The following MIA2 variants were observed in gnomAD, a reference collection of about 807,000 sequenced individuals.
MIA2 encodes the protein melanoma inhibitory activity protein 2.
MIA2 carries 127 observed loss-of-function variants against 167.8 expected under a neutral mutation model. The ratio of observed to expected loss-of-function variants is 0.76; its 90% CI spans 0.66 to 0.88. The LOEUF (loss-of-function observed/expected upper bound fraction) is 0.88. Among genes scored for constraint, MIA2 ranks in the 40% least tolerant of loss-of-function variants. The pLI is 0.00. For missense variants in MIA2, 1,690 were observed against 1,624.7 expected (o/e 1.04, Z -0.69); for synonymous variants, 552 against 541.9 (o/e 1.02, Z -0.26).
At chr14:39,235,740 T>A (rs1385387905) in intron 1 of MIA2, among the ~76,000 whole-genome samples, 1 of 152,048 alleles carries the variant, frequency 6.6e-6, no homozygotes, top group African/African-American at 2.4e-5. Flanking sequence ...ATTATGCCAC[T>A]GCACTGTAGC....
At chr14:39,253,967 A>G (rs2054700925) in intron 6 of MIA2, among the ~76,000 whole-genome samples, 1 of 152,226 alleles carries the variant, frequency 6.6e-6, no homozygotes, top group Admixed American at 6.5e-5. Context: ...GCTGAAATTT[A>G]ATAGTGGTTG....
At chr14:39,342,363 A>T (rs1040026880) in intron 25 of MIA2, among the ~76,000 whole-genome samples, 19 of 152,138 alleles carry the variant, frequency 1.2e-4, no homozygotes, top group African/African-American at 4.6e-4. Context: ...ATGGCTGCAT[A>T]GTATTCCATG....
intron 23 of MIA2, chr14:39,385,986 A>G (rs1184709294): frequency 2.3e-6 from 2 of 851,856 alleles, no homozygotes; most frequent in African/African-American, 1.7e-5. Flanking sequence ...CATTTGAGCA[A>G]GAACGCCTCC....
At chr14:39,242,710 C>G (rs2054107125) in intron 3 of MIA2, among the ~76,000 whole-genome samples, 2 of 152,174 alleles carry the variant, frequency 1.3e-5, no homozygotes, top group Non-Finnish European at 2.9e-5. Context: ...AAGTAGCACA[C>G]AGATGCCTCA....
downstream of MIA2, among the ~76,000 whole-genome samples, chr14:39,353,133 C>G (rs2074434239): frequency 6.6e-6 from 1 of 152,068 alleles, no homozygotes; most frequent in Non-Finnish European, 1.5e-5. Flanking sequence ...GTGTAATGAT[C>G]AAGTCAGGGT....
chr14:39,248,817 G>T (rs143453330), intron 4 of MIA2, among the ~76,000 whole-genome samples: 1 of 151,796 alleles, frequency 6.6e-6, no homozygotes, highest in African/African-American at 2.4e-5. Flanking sequence ...TCAGGTCACC[G>T]CAGCCTCGAC....
chr14:39,343,903 T>A (rs950152360), intron 25 of MIA2, among the ~76,000 whole-genome samples: 5 of 152,232 alleles, frequency 3.3e-5, no homozygotes. Flanking sequence ...TCTTTACTTT[T>A]CTTTCAGGGC....
intron 23 of MIA2, among the ~76,000 whole-genome samples, chr14:39,377,610 A>G (rs924687136): frequency 1.3e-5 from 2 of 152,202 alleles, no homozygotes. Context: ...TTTAATTTGA[A>G]CAGGATTTTT....
intron 25 of MIA2, among the ~76,000 whole-genome samples, chr14:39,338,159 T>A (rs2070880050): frequency 6.6e-6 from 1 of 152,098 alleles, no homozygotes; most frequent in African/African-American, 2.4e-5. Flanking sequence ...GGTGGCACAA[T>A]AATTCTGTAT....
chr14:39,253,944 A>G (rs1007796509), intron 6 of MIA2, among the ~76,000 whole-genome samples: 1 of 152,190 alleles, frequency 6.6e-6, no homozygotes, highest in Non-Finnish European at 1.5e-5. Context: ...TTATCTTCTT[A>G]TTTATGTTCT....
chr14:39,283,761 T>C (rs940585144), intron 9 of MIA2, among the ~76,000 whole-genome samples: 9 of 152,332 alleles, frequency 5.9e-5, no homozygotes, highest in African/African-American at 1.9e-4. Context: ...ATTGGTGATA[T>C]TGAACACCAT....
In MIA2 at chr14:39,248,014, A is replaced by G. The variant is rs1368762730; in HGVS notation, c.1440A>G (p.Pro480=). ...ACATTCCAAAGGAAACAGAATTGCC[A>G]TTTCCCAAACAGATACTGGATCAAA... is the stretch of plus-strand genomic sequence containing the variant. ...FQNIPKETEL[P]FPKQILDQNN... is the part of the protein sequence containing the mutation. Residue 480 remains proline, a synonymous_variant, in exon 4 of 29, where the codon CCA becomes CCG. Transcript: ENST00000640607. The G allele has an allele frequency of 1.3e-6, 2 of 1,575,626 alleles. No individual in the cohort carries two copies. Among genetic ancestry groups the G allele is most frequent in the East Asian group, 2.3e-5 (1 of 44,444 alleles).
At chr14:39,368,565 A>T (rs1048454002) in intron 23 of MIA2, among the ~76,000 whole-genome samples, 1 of 151,882 alleles carries the variant, frequency 6.6e-6, no homozygotes, top group African/African-American at 2.4e-5. Flanking sequence ...GTGTTAAGGC[A>T]CTTACTCTGA....
chr14:39,256,568 T>G lies in MIA2; in HGVS notation c.1887+3397T>G, dbSNP rs555008159. On this transcript the variant is annotated intron_variant, in intron 6 of 28. Coordinates refer to ENST00000640607, the MANE Select transcript of MIA2 (RefSeq NM_001329214.4). Reference sequence around the variant, plus strand: ...CATCACATCAAAAGCAATGGAAAATTAAAGGAGGCAGCTTTTTAAAAAAAA... The same window carrying G: ...CATCACATCAAAAGCAATGGAAAATGAAAGGAGGCAGCTTTTTAAAAAAAA... Among the ~76,000 whole-genome samples, 42 of 152,072 alleles carry G rather than the reference T, an allele frequency of 2.8e-4. 2 individuals are homozygous for G. Among genetic ancestry groups the G allele is most frequent in the African/African-American group, 1.0e-3 (42 of 41,506 alleles).
chr14:39,258,816 T>C (rs2054936726), intron 6 of MIA2, among the ~76,000 whole-genome samples: 1 of 152,212 alleles, frequency 6.6e-6, no homozygotes, highest in Non-Finnish European at 1.5e-5. Flanking sequence ...TGTTTGTTAG[T>C]TTTCCTTCTA....
chr14:39,348,906 C>T lies in MIA2; in HGVS notation c.4001C>T (p.Ala1334Val), dbSNP rs549794299. 1 of 1,613,992 alleles carries T rather than the reference C, an allele frequency of 6.2e-7. No homozygotes were observed. Among genetic ancestry groups the T allele is most frequent in the Admixed American group, 1.7e-5 (1 of 59,992 alleles). The change falls in exon 28 of 29, where the codon GCC becomes GTC. Residue 1334 changes from alanine to valine, a missense_variant. Coordinates refer to ENST00000640607, the MANE Select transcript of MIA2 (RefSeq NM_001329214.4). The stretch of plus-strand genomic sequence containing the variant: ...CCTTTCCCCCCACCTCCTCCAGGAG[C>T]CATGTTTGGAGCTTCTCGAGATTAT... Reference protein sequence around the residue: ...GPPFPPPPPGAMFGASRDYFP... With the variant: ...GPPFPPPPPGVMFGASRDYFP...
intron 23 of MIA2, among the ~76,000 whole-genome samples, chr14:39,359,537 T>A (rs1253898650): frequency 6.6e-6 from 1 of 152,156 alleles, no homozygotes; most frequent in Non-Finnish European, 1.5e-5. Context: ...TGGCTCACAC[T>A]CTGTGTGCTG....
intron 6 of MIA2, among the ~76,000 whole-genome samples, chr14:39,267,697 C>T (rs2056181644): frequency 6.6e-6 from 1 of 152,156 alleles, no homozygotes; most frequent in African/African-American, 2.4e-5. Context: ...GCTCGTAGGG[C>T]GCTTGAGTGG....
chr14:39,378,770 A>G (rs1245891961), intron 23 of MIA2, among the ~76,000 whole-genome samples: 2 of 152,210 alleles, frequency 1.3e-5, no homozygotes, highest in Non-Finnish European at 2.9e-5. Context: ...TGAATTTATT[A>G]TACCAAACAA....
Sources: allele counts gnomAD v4.1 joint callset (sites outside exome capture counted in the v4.1 genomes callset), GRCh38; gene constraint gnomAD v4.1.1; transcripts MANE v1.5; gene names NCBI Gene and HGNC (gene_info 2026-07-23, HGNC 2026-07-21).